Variants in FHIT observed in about 807,000 individuals in gnomAD.
FHIT encodes the protein fragile histidine triad diadenosine triphosphatase.
In FHIT, 19 loss-of-function variants were observed where a neutral mutation model predicts 17.9. The ratio of observed to expected loss-of-function variants is 1.06; its 90% confidence interval spans 0.74 to 1.56. FHIT has a LOEUF of 1.56. FHIT is among the 40% of genes most tolerant of loss of function. FHIT has a pLI of 0.00. For synonymous variants in FHIT, 81 were observed against 69.7 expected, an observed-to-expected ratio of 1.16 and a Z score of -0.81; for missense variants, 248 against 189.2, an observed-to-expected ratio of 1.31 and a Z score of -1.82.
chr3:60,390,525 C>A (rs1701185918), intron 5 of FHIT, among the ~76,000 whole-genome samples: 1 of 151,438 alleles, frequency 6.6e-6, no homozygotes, highest in African/African-American at 2.4e-5. Context: ...GTAAAACGGC[C>A]TCAGGCAAGT....
At chr3:60,126,624 C>T (rs1033969005) in intron 5 of FHIT, among the ~76,000 whole-genome samples, 2 of 152,094 alleles carry the variant, frequency 1.3e-5, no homozygotes, top group Admixed American at 1.3e-4. Context: ...GAGTATCAAC[C>T]AACAGAATTT....
At chr3:60,999,133 A>T (rs2030882764) in intron 3 of FHIT, among the ~76,000 whole-genome samples, 1 of 152,158 alleles carries the variant, frequency 6.6e-6, no homozygotes, top group African/African-American at 2.4e-5. Context: ...TTTTGTTCTG[A>T]ACCTCCTGAT....
At chr3:60,806,113 T>C (rs374539177) in intron 4 of FHIT, among the ~76,000 whole-genome samples, 1 of 152,182 alleles carries the variant, frequency 6.6e-6, no homozygotes, top group African/African-American at 2.4e-5. Context: ...GTTCAGAAAA[T>C]GGAAACAAAT....
intron 5 of FHIT, among the ~76,000 whole-genome samples, chr3:60,156,328 T>C (rs1359883984): frequency 6.7e-6 from 1 of 150,130 alleles, no homozygotes; most frequent in Admixed American, 6.6e-5. Context: ...CCAGCCTGGG[T>C]GACAGAGTGA....
chr3:61,071,371 A>G (rs2034800765), intron 2 of FHIT, among the ~76,000 whole-genome samples: 1 of 152,144 alleles, frequency 6.6e-6, no homozygotes, highest in African/African-American at 2.4e-5. Flanking sequence ...TTTAAAACAT[A>G]TATTTCCTGA....
intron 8 of FHIT, among the ~76,000 whole-genome samples, chr3:59,905,113 C>G (rs1412847272): frequency 6.6e-6 from 1 of 152,166 alleles, no homozygotes; most frequent in African/African-American, 2.4e-5. Flanking sequence ...GGGGACCCAC[C>G]CCTATCTGCC....
At chr3:60,570,499 C>T (rs2037338099) in intron 4 of FHIT, among the ~76,000 whole-genome samples, 1 of 152,064 alleles carries the variant, frequency 6.6e-6, no homozygotes, top group South Asian at 2.1e-4. Context: ...CATTTCAAGA[C>T]ATTACCAAGC....
intron 5 of FHIT, among the ~76,000 whole-genome samples, chr3:60,065,760 T>A (rs920425739): frequency 3.9e-5 from 6 of 152,190 alleles, no homozygotes; most frequent in African/African-American, 1.4e-4. Flanking sequence ...CTTTTTCTCC[T>A]GCCTGTTCCC....
intron 5 of FHIT, among the ~76,000 whole-genome samples, chr3:60,015,897 G>A (rs1186419065): frequency 1.3e-5 from 2 of 152,102 alleles, no homozygotes; most frequent in Non-Finnish European, 2.9e-5. Context: ...AATTTTGCTT[G>A]TTTGCATGTT....
chr3:60,915,398 C>G (rs1575683829), intron 3 of FHIT, among the ~76,000 whole-genome samples: 1 of 152,116 alleles, frequency 6.6e-6, no homozygotes, highest in Non-Finnish European at 1.5e-5. Flanking sequence ...TTATAATAAG[C>G]AGTATTACTA....
chr3:59,977,650 A>C (rs1167519568), intron 7 of FHIT, among the ~76,000 whole-genome samples: 1 of 152,180 alleles, frequency 6.6e-6, no homozygotes, highest in Non-Finnish European at 1.5e-5. Context: ...TTCGTCTAAC[A>C]ATTAAAAGCG....
intron 2 of FHIT, among the ~76,000 whole-genome samples, chr3:61,165,178 A>G (rs1029541592): frequency 6.6e-6 from 1 of 152,188 alleles, no homozygotes; most frequent in Admixed American, 6.5e-5. Flanking sequence ...GCTAGGTTGA[A>G]TAGTAGTCCT....
intron 5 of FHIT, among the ~76,000 whole-genome samples, chr3:60,084,205 C>G (rs1703405668): frequency 6.6e-6 from 1 of 152,120 alleles, no homozygotes; most frequent in South Asian, 2.1e-4. Context: ...GAAAAGATTA[C>G]TCTGATTTTT....
intron 2 of FHIT, among the ~76,000 whole-genome samples, chr3:61,079,530 T>A (rs1029305102): frequency 6.6e-6 from 1 of 152,150 alleles, no homozygotes; most frequent in South Asian, 2.1e-4. Flanking sequence ...ATAGTAAAAA[T>A]AGGATAATAC....
At chr3:60,703,124 C>T (rs782806777) in intron 4 of FHIT, among the ~76,000 whole-genome samples, 1 of 152,128 alleles carries the variant, frequency 6.6e-6, no homozygotes, top group East Asian at 1.9e-4. Flanking sequence ...AGAAGCAAAA[C>T]CAGAGATATA....
intron 8 of FHIT, among the ~76,000 whole-genome samples, chr3:59,802,187 A>T (rs1700021334): frequency 6.7e-6 from 1 of 148,858 alleles, no homozygotes; most frequent in Non-Finnish European, 1.5e-5. Context: ...AAAAAAAAAA[A>T]TGTGTACCTA....
At chr3:60,132,783 T>C (rs1384302054) in intron 5 of FHIT, among the ~76,000 whole-genome samples, 1 of 152,154 alleles carries the variant, frequency 6.6e-6, no homozygotes, top group East Asian at 1.9e-4. Flanking sequence ...CTAAGGTAAA[T>C]AAGGTAAAAT....
intron 2 of FHIT, among the ~76,000 whole-genome samples, chr3:61,189,349 T>G (rs933237220): frequency 3.5e-4 from 53 of 152,172 alleles, no homozygotes; most frequent in African/African-American, 8.9e-4. Context: ...TCAAAGAGAA[T>G]AAAATACCTA....
At chr3:60,113,726 G>A (rs1310273864) in intron 5 of FHIT, among the ~76,000 whole-genome samples, 1 of 151,296 alleles carries the variant, frequency 6.6e-6, no homozygotes, top group Non-Finnish European at 1.5e-5. Flanking sequence ...ATTGGGCCGG[G>A]CGCGGTGGCT....
Sources: allele counts gnomAD v4.1 joint callset (sites outside exome capture counted in the v4.1 genomes callset), GRCh38; gene constraint gnomAD v4.1.1; transcripts MANE v1.5; gene names NCBI Gene and HGNC (gene_info 2026-07-23, HGNC 2026-07-21).